ADCK1: variants seen among roughly 807,000 people sequenced by gnomAD.
ADCK1 encodes the protein aarF domain-containing protein kinase 1.
In ADCK1, 41 loss-of-function variants were observed where a neutral mutation model predicts 52.3. That is an observed-to-expected ratio of 0.78 (90% confidence interval 0.61 to 1.02). The LOEUF (loss-of-function observed/expected upper bound fraction) is 1.02, where lower values mean the gene tolerates loss of function less well. ADCK1 is among the 50% of genes least tolerant of loss of function. ADCK1 has a pLI of 0.00. For missense variants in ADCK1, 658 were observed against 679.5 expected (o/e 0.97, Z 0.35); for synonymous variants, 250 against 274.6 (o/e 0.91, Z 0.89).
intron 5 of ADCK1, among the ~76,000 whole-genome samples, chr14:77,896,724 C>T (rs139569714): frequency 5.2e-4 from 79 of 152,294 alleles, no homozygotes; most frequent in African/African-American, 1.9e-3. Context: ...TCTGTTGCCC[C>T]CTCTCCCTTC....
At chr14:77,907,593 G>A (rs1486200206) in intron 6 of ADCK1, among the ~76,000 whole-genome samples, 1 of 152,232 alleles carries the variant, frequency 6.6e-6, no homozygotes, top group African/African-American at 2.4e-5. Flanking sequence ...AAAGGAGTGG[G>A]CGGAGGCCTG....
At chr14:77,891,427 A>G (rs1421650558) in intron 5 of ADCK1, among the ~76,000 whole-genome samples, 1 of 152,236 alleles carries the variant, frequency 6.6e-6, no homozygotes, top group African/African-American at 2.4e-5. Context: ...TCTGCGTAGT[A>G]AAGCCATCAG....
At chr14:77,823,054 C>G (rs1224818728) in intron 3 of ADCK1, among the ~76,000 whole-genome samples, 2 of 152,194 alleles carry the variant, frequency 1.3e-5, no homozygotes, top group Non-Finnish European at 2.9e-5. Context: ...GAGGCCTACT[C>G]TGGGGCCTCT....
chr14:77,807,282 A>G (rs181586967), intron 1 of ADCK1, among the ~76,000 whole-genome samples: 3,057 of 145,814 alleles, frequency 0.021, 96 homozygotes, highest in African/African-American at 0.071. Context: ...GTTAGCCGGG[A>G]TGGTCTCGAT....
At chr14:77,807,665 A>G (rs1021027540) in intron 1 of ADCK1, among the ~76,000 whole-genome samples, 1 of 151,530 alleles carries the variant, frequency 6.6e-6, no homozygotes, top group Non-Finnish European at 1.5e-5. Context: ...ATGTGCCACC[A>G]CGCCCGGCTA....
At chr14:77,806,094 C>T (rs1166734413) in intron 1 of ADCK1, among the ~76,000 whole-genome samples, 2 of 147,632 alleles carry the variant, frequency 1.4e-5, no homozygotes, top group South Asian at 2.2e-4. Context: ...GCGGATTGCT[C>T]GAGGTCAGGA....
intron 7 of ADCK1, among the ~76,000 whole-genome samples, chr14:77,910,549 G>A (rs761544005): frequency 1.2e-4 from 18 of 152,190 alleles, no homozygotes; most frequent in Non-Finnish European, 1.8e-4. Context: ...TATCCCAGAG[G>A]CCTCATCCCC....
rs566887534 is a variant in ADCK1 at position 77,899,187 on chromosome 14, C to G, written c.670C>G (p.Leu224Val). 2.5e-6 allele frequency: 4 copies of G among 1,614,146 alleles called. No homozygotes were observed. The highest frequency in any genetic ancestry group is 1.3e-5 in the African/African-American group (1 of 75,028). The change falls in exon 6 of 11, where the codon CTG (leucine) becomes GTG (valine). Residue 224 changes from leucine to valine, a missense_variant. Coordinates refer to ENST00000238561, the MANE Select transcript of ADCK1 (RefSeq NM_020421.4). Reference protein sequence around the residue: ...DEAKKNLPLELDFLNEGRNAE... With the variant: ...DEAKKNLPLEVDFLNEGRNAE... ...AGCCAAGAAGAACCTGCCTTTGGAG[C>G]TGGATTTCCTCAATGAAGGGAGGAA...
At chr14:77,826,054 C>T (rs2081696250) in intron 3 of ADCK1, among the ~76,000 whole-genome samples, 1 of 152,206 alleles carries the variant, frequency 6.6e-6, no homozygotes, top group African/African-American at 2.4e-5. Context: ...GGCAGTGACA[C>T]TGTAGCTCCT....
At chr14:77,900,188 T>C (rs186800121) in intron 6 of ADCK1, among the ~76,000 whole-genome samples, 2 of 151,910 alleles carry the variant, frequency 1.3e-5, no homozygotes, top group African/African-American at 4.8e-5. Flanking sequence ...AAGAAATACA[T>C]AAGACCACAA....
At chr14:77,852,907 ATTTTTTTTTTTTTT>A (rs71303864) in intron 3 of ADCK1, among the ~76,000 whole-genome samples, 415 of 28,906 alleles carry the variant, frequency 0.014, 37 homozygotes, top group Middle Eastern at 0.059. Context: ...ATATATATAT[ATTTTTTTTTTTTTT>A]TTTTTTTTTT....
At chr14:77,895,459 G>A (rs2083388702) in intron 5 of ADCK1, among the ~76,000 whole-genome samples, 1 of 152,228 alleles carries the variant, frequency 6.6e-6, no homozygotes, top group South Asian at 2.1e-4. Context: ...TCTGTGGAGT[G>A]TTGAGTAGGT....
chr14:77,888,009 C>T (rs777221824), intron 5 of ADCK1, among the ~76,000 whole-genome samples: 1 of 152,192 alleles, frequency 6.6e-6, no homozygotes, highest in Admixed American at 6.5e-5. Flanking sequence ...GTCTTCTGCA[C>T]CCTATGCTAG....
intron 4 of ADCK1, among the ~76,000 whole-genome samples, chr14:77,885,406 T>C (rs2083126143): frequency 1.3e-5 from 2 of 152,218 alleles, no homozygotes; most frequent in South Asian, 4.1e-4. Flanking sequence ...TACCCATCTC[T>C]CCTGACAGAG....
At chr14:77,902,595 T>C (rs2083570920) in intron 6 of ADCK1, 1 of 152,208 alleles carries the variant, frequency 6.6e-6, no homozygotes, top group South Asian at 2.1e-4. Context: ...CTGAGGTTTG[T>C]CCCTGCTCTG....
chr14:77,854,119 A>G (rs1186891654), intron 3 of ADCK1, among the ~76,000 whole-genome samples: 2 of 152,232 alleles, frequency 1.3e-5, no homozygotes, highest in Non-Finnish European at 2.9e-5. Flanking sequence ...TTTGGAAGAA[A>G]TGTCAAGGTT....
At chr14:77,877,759 G>A (rs753450629) in intron 4 of ADCK1, among the ~76,000 whole-genome samples, 19 of 152,110 alleles carry the variant, frequency 1.2e-4, no homozygotes, top group Non-Finnish European at 2.5e-4. Flanking sequence ...TGTGTGCCAC[G>A]ATGCCTGATT....
intron 5 of ADCK1, among the ~76,000 whole-genome samples, chr14:77,897,329 C>A (rs2083432448): frequency 6.6e-6 from 1 of 152,196 alleles, no homozygotes; most frequent in Admixed American, 6.5e-5. Context: ...TTCTGGAACA[C>A]CTCCTATGTC....
intron 3 of ADCK1, among the ~76,000 whole-genome samples, chr14:77,824,012 C>T (rs1010839703): frequency 1.1e-4 from 16 of 152,234 alleles, no homozygotes; most frequent in Admixed American, 7.2e-4. Context: ...GCTTCTCCTG[C>T]CTCAGCCTCC....
Sources: allele counts gnomAD v4.1 joint callset (sites outside exome capture counted in the v4.1 genomes callset), GRCh38; gene constraint gnomAD v4.1.1; transcripts MANE v1.5; gene names NCBI Gene and HGNC (gene_info 2026-07-23, HGNC 2026-07-21).